Variants in SH3KBP1 observed in about 807,000 individuals in gnomAD.
SH3KBP1 encodes the protein SH3 domain-containing kinase-binding protein 1.
Under a neutral mutation model 50.1 loss-of-function variants are expected in SH3KBP1, and 8 were observed. The observed-to-expected ratio is 0.16, with a 90% CI of 0.09 to 0.29. SH3KBP1 has a LOEUF of 0.29. SH3KBP1 is among the 10% of genes least tolerant of loss of function. The pLI is 1.00. For missense variants in SH3KBP1, 377 were observed against 535.2 expected, an observed-to-expected ratio of 0.70 and a Z score of 2.92; for synonymous variants, 227 against 218.6, an observed-to-expected ratio of 1.04 and a Z score of -0.34.
At chrX:19,874,068 AAT>A (rs1412019430) in intron 1 of SH3KBP1, among the ~76,000 whole-genome samples, 1,196 of 57,011 alleles carry the variant, frequency 0.021, 19 homozygotes, top group Non-Finnish European at 0.026. Context: ...AAAAAAAAAA[AAT>A]ATATATATAT....
chrX:19,624,052 C>G (rs772978983), intron 8 of SH3KBP1, among the ~76,000 whole-genome samples: 3 of 111,914 alleles, frequency 2.7e-5, no homozygotes, highest in Non-Finnish European at 5.6e-5. Flanking sequence ...TGGTCTCAAA[C>G]TCCTTGGCTC....
At chrX:19,608,079 G>T (rs201465363) in intron 8 of SH3KBP1, 34 bp from the exon 9 acceptor site, 1 of 1,131,435 alleles carries the variant, frequency 8.8e-7, no homozygotes, top group Non-Finnish European at 1.2e-6. Context: ...TGAGAGATGG[G>T]GGCAAGCAGC....
intron 9 of SH3KBP1, among the ~76,000 whole-genome samples, chrX:19,595,447 C>T (rs1454841735): frequency 1.8e-5 from 2 of 112,655 alleles, no homozygotes; most frequent in Non-Finnish European, 3.8e-5. Context: ...GCTGAGGGCC[C>T]ACTGCAGCCA....
intron 2 of SH3KBP1, among the ~76,000 whole-genome samples, chrX:19,812,501 G>A (rs2067233113): frequency 9.1e-6 from 1 of 110,228 alleles, no homozygotes; most frequent in African/African-American, 3.3e-5. Context: ...TGTCTTCTGG[G>A]TAGCCCTAAA....
intron 2 of SH3KBP1, among the ~76,000 whole-genome samples, chrX:19,778,674 GAT>G (rs1326661967): frequency 9.1e-6 from 1 of 110,484 alleles, no homozygotes; most frequent in African/African-American, 3.3e-5. Flanking sequence ...CAGTAGGTGT[GAT>G]CTGAGGAAGG....
intron 16 of SH3KBP1, among the ~76,000 whole-genome samples, chrX:19,541,063 C>T (rs1040188025): frequency 3.6e-5 from 4 of 111,010 alleles, no homozygotes; most frequent in African/African-American, 6.6e-5. Flanking sequence ...TACAGGTGCA[C>T]GCCACCACGC....
At chrX:19,643,306 TATTTTTTTTTTTTTTA>T (rs565840929) in intron 7 of SH3KBP1, among the ~76,000 whole-genome samples, 3,067 of 92,572 alleles carry the variant, frequency 0.033, 244 homozygotes, top group African/African-American at 0.13. Context: ...AAGAATTTTT[TATTTTTTTTTTTTTTA>T]TTTTTTTTTT....
At chrX:19,843,998 C>T in intron 1 of SH3KBP1, among the ~76,000 whole-genome samples, 1 of 111,213 alleles carries the variant, frequency 9.0e-6, no homozygotes, top group Non-Finnish European at 1.9e-5. Flanking sequence ...GGCCTGGGAG[C>T]AAATTCCAGC....
chrX:19,657,620 C>A (rs186158592), intron 6 of SH3KBP1, among the ~76,000 whole-genome samples: 4 of 104,908 alleles, frequency 3.8e-5, no homozygotes, highest in Admixed American at 3.1e-4. Context: ...CCCATCTACG[C>A]GGGAGGCTGA....
intron 15 of SH3KBP1, among the ~76,000 whole-genome samples, chrX:19,543,812 C>T (rs754289024): frequency 9.0e-6 from 1 of 110,923 alleles, no homozygotes; most frequent in Admixed American, 9.5e-5. Flanking sequence ...CCAGGAGGGC[C>T]GAGGAAGAAG....
At chrX:19,828,748 C>CA (rs2067770380) in intron 2 of SH3KBP1, among the ~76,000 whole-genome samples, 1 of 111,465 alleles carries the variant, frequency 9.0e-6, no homozygotes, top group Non-Finnish European at 1.9e-5. Context: ...CCCACCCCTG[C>CA]ACTCCAGCCT....
intron 8 of SH3KBP1, among the ~76,000 whole-genome samples, chrX:19,624,533 G>A (rs1379577214): frequency 4.5e-5 from 5 of 111,520 alleles, no homozygotes. Context: ...ATGTTGGGGT[G>A]GCCTTTCAAC....
intron 6 of SH3KBP1, among the ~76,000 whole-genome samples, chrX:19,667,812 A>ATTTTT (rs779927127): frequency 1.8e-5 from 1 of 55,848 alleles, no homozygotes; most frequent in African/African-American, 8.7e-5. Flanking sequence ...TTCTGTTGGG[A>ATTTTT]TTTTTTTTTT....
intron 12 of SH3KBP1, among the ~76,000 whole-genome samples, chrX:19,574,144 G>A (rs2066124741): frequency 9.0e-6 from 1 of 110,951 alleles, no homozygotes; most frequent in South Asian, 3.8e-4. Flanking sequence ...CTTGACTTGA[G>A]CAAATGTAAC....
chrX:19,583,779 G>A (rs972245488), intron 12 of SH3KBP1, among the ~76,000 whole-genome samples: 71 of 103,535 alleles, frequency 6.9e-4, no homozygotes, highest in Middle Eastern at 5.1e-3. Context: ...AATAATTATG[G>A]TGCTATTAAT....
rs748543372 is a variant in SH3KBP1, at chrX:19,709,715, C to G, written c.287-2731G>C. ...CTGCTTTTCGAGGCCTCAACTATAG[C>G]CTGTCACTGATTTGAATTTGTTTGC... On this transcript the variant is annotated intron_variant, in intron 3 of 17. Transcript: ENST00000397821. 5.4e-5 allele frequency among the ~76,000 whole-genome samples: 6 copies of G among 112,080 alleles called. No individual in the cohort carries two copies. The East Asian group carries it at 1.7e-3, about 31-fold the overall frequency.
chrX:19,782,330 T>C (rs1235846921), intron 2 of SH3KBP1, among the ~76,000 whole-genome samples: 1 of 111,831 alleles, frequency 8.9e-6, no homozygotes, highest in Non-Finnish European at 1.9e-5. Context: ...GGAGGGCACA[T>C]TGATTCTGGA....
intron 16 of SH3KBP1, among the ~76,000 whole-genome samples, chrX:19,540,691 A>C (rs1263247464): frequency 9.0e-6 from 1 of 111,514 alleles, no homozygotes; most frequent in East Asian, 2.8e-4. Context: ...CAATCCAAGG[A>C]GGCCAGTCAC....
chrX:19,748,163 A>G (rs1370285543), intron 2 of SH3KBP1, among the ~76,000 whole-genome samples: 1 of 112,296 alleles, frequency 8.9e-6, no homozygotes, highest in Non-Finnish European at 1.9e-5. Flanking sequence ...ATGACTGTGC[A>G]CGTGCAAATT....
Sources: gnomAD v4.1 joint callset for allele counts (sites outside exome capture counted in the v4.1 genomes callset) on GRCh38, gnomAD v4.1.1 for gene constraint, MANE v1.5 for transcripts, NCBI Gene and HGNC (gene_info 2026-07-23, HGNC 2026-07-21) for gene names.